TTC7A: variants seen among roughly 807,000 people sequenced by gnomAD.
The protein encoded by TTC7A is tetratricopeptide repeat domain 7A.
Under a neutral mutation model 103.7 loss-of-function variants are expected in TTC7A, and 110 were observed. The ratio of observed to expected loss-of-function variants is 1.06; its 90% CI spans 0.91 to 1.24. The LOEUF is 1.24. Among genes scored for constraint, TTC7A ranks in the 50% most tolerant of loss-of-function variants. The probability of loss-of-function intolerance (pLI) is 0.00; values close to 1 mark genes in which losing one functional copy is unlikely to be tolerated. For synonymous variants in TTC7A, 521 were observed against 467.9 expected, an observed-to-expected ratio of 1.11 and a Z score of -1.47; for missense variants, 1,340 against 1,116.3, an observed-to-expected ratio of 1.20 and a Z score of -2.86.
chr2:47,031,273 C>T (rs942045689), intron 15 of TTC7A, among the ~76,000 whole-genome samples: 7 of 152,160 alleles, frequency 4.6e-5, no homozygotes, highest in African/African-American at 1.4e-4. Context: ...TCTTGTTAAT[C>T]CCAAGTACAG....
At chr2:47,005,417 A>T (rs925281064) in intron 8 of TTC7A, among the ~76,000 whole-genome samples, 5 of 152,116 alleles carry the variant, frequency 3.3e-5, no homozygotes, top group Admixed American at 1.3e-4. Context: ...TTGCAAACAC[A>T]CCAGGGACTG....
At chr2:47,072,543 G>A (rs75490169) in intron 19 of TTC7A, among the ~76,000 whole-genome samples, 1 of 152,264 alleles carries the variant, frequency 6.6e-6, no homozygotes. Context: ...ACTCTGGGGA[G>A]CTCGCTGAGG....
At chr2:46,957,926 C>G (rs944963530) in intron 3 of TTC7A, among the ~76,000 whole-genome samples, 2 of 152,194 alleles carry the variant, frequency 1.3e-5, no homozygotes, top group African/African-American at 2.4e-5. Flanking sequence ...GTGACACACT[C>G]TATTATAGAT....
intron 2 of TTC7A, among the ~76,000 whole-genome samples, chr2:46,927,528 GT>G (rs1669453603): frequency 6.6e-6 from 1 of 151,360 alleles, no homozygotes; most frequent in Non-Finnish European, 1.5e-5. Context: ...GGCTAATTTT[GT>G]TTTTGTGTTT....
intron 13 of TTC7A, 25 bp from the exon 14 acceptor site, chr2:47,024,262 C>T (rs1188526200): frequency 2.5e-6 from 4 of 1,575,258 alleles, no homozygotes; most frequent in Non-Finnish European, 3.5e-6. Context: ...TGGTGCCTGA[C>T]TTGTCACTCC....
At chr2:47,023,682 T>C (rs1041355055) in intron 13 of TTC7A, among the ~76,000 whole-genome samples, 1 of 152,080 alleles carries the variant, frequency 6.6e-6, no homozygotes, top group Admixed American at 6.6e-5. Flanking sequence ...CAGCCACAAG[T>C]CTCGGTTCCT....
intron 3 of TTC7A, among the ~76,000 whole-genome samples, chr2:46,961,600 T>TAAATAAATAAATAAATAAATA (rs1289737572): frequency 2.7e-5 from 4 of 149,764 alleles, no homozygotes; most frequent in South Asian, 2.1e-4. Flanking sequence ...AATAAATAAA[T>TAAATAAATAAATAAATAAATA]AAATAAAATA....
chr2:46,950,586 G>T (rs1671323642), intron 2 of TTC7A, 60 bp downstream of exon 2: 1 of 1,563,596 alleles, frequency 6.4e-7, no homozygotes, highest in Middle Eastern at 1.7e-4. Flanking sequence ...CCTCGCATCT[G>T]TCCAGTCCTC....
chr2:46,953,035 G>A (rs1473589993), intron 2 of TTC7A, among the ~76,000 whole-genome samples: 1 of 152,174 alleles, frequency 6.6e-6, no homozygotes, highest in Non-Finnish European at 1.5e-5. Flanking sequence ...AATACAAATT[G>A]TACCATATTT....
At chr2:46,982,271 G>T (rs1307238086) in intron 5 of TTC7A, among the ~76,000 whole-genome samples, 1 of 152,212 alleles carries the variant, frequency 6.6e-6, no homozygotes. Context: ...CTACTTGGGA[G>T]GCTGAGGTGG....
chr2:46,995,174 T>A lies in TTC7A; in HGVS notation c.1040T>A (p.Leu347Gln). ...CPKDNIEEAL[L>Q]LLLISESMAT... ...AAGGACAACATCGAGGAAGCCCTCC[T>A]GCTCCTCCTCATCAGCGAATCCATG... Residue 347 changes from leucine (L) to glutamine (Q), a missense_variant, in exon 8 of 20, where the codon CTG becomes CAG. Physicochemically the swap from Leu to Gln is moderately radical, Grantham distance 113 (BLOSUM62 -2). Coordinates refer to ENST00000319190, the MANE Select transcript of TTC7A (RefSeq NM_020458.4). The A allele has an allele frequency of 1.2e-6, 2 of 1,614,212 alleles. No homozygotes were observed. The highest frequency in any genetic ancestry group is 8.5e-7 in the Non-Finnish European group (1 of 1,180,036).
At chr2:47,012,353 A>G (rs143134854) in intron 11 of TTC7A, among the ~76,000 whole-genome samples, 5,984 of 152,268 alleles carry the variant, frequency 0.039, 152 homozygotes, top group Middle Eastern at 0.068. Flanking sequence ...CACATGATGG[A>G]TATCAGGCCC....
rs751346410 is a variant in TTC7A at position 46,956,841 on chromosome 2, A to T, written c.351A>T (p.Pro117=). ...GTAACATGTCCTTGTCATTTCAGCC[A>T]CAGTACATGTGTGAGGCCATGCTGA... is the stretch of plus-strand genomic sequence containing the variant. ...SSILNHGRLS[P]QYMCEAMLIL... is the part of the protein sequence containing the mutation. The change falls in exon 3 of 20, where the codon CCA becomes CCT. Residue 117 remains proline (P), a splice_region_variant and synonymous_variant. Transcript: ENST00000319190. The T allele has an allele frequency of 1.2e-6, 2 of 1,614,128 alleles. No individual in the cohort carries two copies. Among genetic ancestry groups the T allele is most frequent in the Non-Finnish European group, 8.5e-7 (1 of 1,179,972 alleles).
chr2:46,976,390 G>A (rs549014126), intron 4 of TTC7A, among the ~76,000 whole-genome samples: 1 of 152,364 alleles, frequency 6.6e-6, no homozygotes, highest in African/African-American at 2.4e-5. Context: ...CAGGTATTCT[G>A]TGGAAAAGAT....
chr2:47,005,690 C>T (rs1203912661), intron 8 of TTC7A, among the ~76,000 whole-genome samples: 2 of 152,140 alleles, frequency 1.3e-5, no homozygotes, highest in Admixed American at 6.5e-5. Context: ...AAGCTTGACC[C>T]CTCAGAACTG....
In TTC7A at chr2:47,054,148, T is replaced by C. The variant is rs116271236; in HGVS notation, c.2152+2268T>C. 8,907 of 985,412 alleles carry C rather than the reference T, an allele frequency of 9.0e-3. 54 individuals carry two copies. The highest frequency in any genetic ancestry group is 0.016 in the South Asian group (333 of 21,286). The allele number at this position is 985,412 out of a possible 1,614,324, so 61.0% of individuals were successfully genotyped here. ...CATCTGAATGCTTTGAATGTGGCGC[T>C]GCATCAGGGTCAGGCAGTGTAGTAT... On this transcript the variant is annotated intron_variant, in intron 18 of 19. Transcript: ENST00000319190.
At chr2:47,022,920 C>G (rs937139963) in intron 12 of TTC7A, among the ~76,000 whole-genome samples, 1 of 152,208 alleles carries the variant, frequency 6.6e-6, no homozygotes, top group Non-Finnish European at 1.5e-5. Context: ...TGGGAGGGGC[C>G]TGGATGCAAT....
At chr2:47,026,793 G>A (rs1679969558) in intron 14 of TTC7A, among the ~76,000 whole-genome samples, 1 of 152,206 alleles carries the variant, frequency 6.6e-6, no homozygotes, top group African/African-American at 2.4e-5. Flanking sequence ...CACTGAAATA[G>A]GTTTAACCAT....
At chr2:46,983,613 C>T (rs552335256) in intron 5 of TTC7A, among the ~76,000 whole-genome samples, 1 of 152,250 alleles carries the variant, frequency 6.6e-6, no homozygotes, top group Non-Finnish European at 1.5e-5. Flanking sequence ...ACTTATGAAG[C>T]CCGGCACGGA....
Sources: gnomAD v4.1 joint callset for allele counts (sites outside exome capture counted in the v4.1 genomes callset) on GRCh38, gnomAD v4.1.1 for gene constraint, MANE v1.5 for transcripts, NCBI Gene and HGNC (gene_info 2026-07-23, HGNC 2026-07-21) for gene names.